Variants in PCNX3 observed in about 807,000 individuals in gnomAD.
The protein encoded by PCNX3 is pecanex-like protein 3.
PCNX3 carries 58 observed loss-of-function variants against 207.2 expected under a neutral mutation model. The observed-to-expected ratio is 0.28, with a 90% CI of 0.23 to 0.35. PCNX3 has a LOEUF of 0.35. Ranked by LOEUF, PCNX3 falls within the 10% of genes least tolerant of loss-of-function variation. The pLI, the probability that PCNX3 is intolerant of heterozygous loss-of-function variation, is 1.00. For synonymous variants in PCNX3, 1,337 were observed against 1,183.5 expected (o/e 1.13, Z -2.66); for missense variants, 2,410 against 2,774.4 (o/e 0.87, Z 2.95).
At chr11:65,627,663 C>G in intron 22 of PCNX3, 81 bp downstream of exon 22, 1 of 1,513,820 alleles carries the variant, frequency 6.6e-7, no homozygotes, top group Non-Finnish European at 9.1e-7. Flanking sequence ...AAGAGAATTT[C>G]CTGAGGGCCT....
chr11:65,623,368 A>G, intron 11 of PCNX3, 123 bp from the exon 12 acceptor site: 1 of 1,288,908 alleles, frequency 7.8e-7, no homozygotes, highest in African/African-American at 1.5e-5. Flanking sequence ...ACATCTTCAG[A>G]GGACAAGGGT....
In PCNX3 at chr11:65,616,407, C is replaced by T. The variant is rs767169314; in HGVS notation, c.96C>T (p.Asn32=). The part of the protein sequence containing the change: ...FFDPHQSTFS[N]CFHLYVWIFL... ...ACCCGCACCAGAGCACCTTCTCCAA[C>T]TGCTTCCACCTCTATGTCTGGATCT... Residue 32 remains asparagine (N), a synonymous_variant, in exon 1 of 35, where the codon AAC becomes AAT. Transcript: ENST00000355703. The T allele has an allele frequency of 3.7e-6, 6 of 1,610,788 alleles. No homozygotes were observed. The highest frequency in any genetic ancestry group is 2.2e-5 in the East Asian group (1 of 44,610).
At position 65,625,633 on chromosome 11, in the gene PCNX3, G is replaced by A. The variant is rs928929959; in HGVS notation, c.3136-19G>A. On this transcript the variant is annotated intron_variant, in intron 18 of 34. Transcript: ENST00000355703. The surrounding 1 kb of genome is among the most constrained non-coding windows in gnomAD (Gnocchi z 5.6). ...GTCTCTCCTGGCCGGGCAGCTGAAT[G>A]TCTCTCCTGGCCCTGCAGCGTGAGG... The A allele has an allele frequency of 6.2e-7, 1 of 1,611,318 alleles. No homozygotes were observed. The highest frequency in any genetic ancestry group is 2.2e-5 in the East Asian group (1 of 44,800).
chr11:65,632,417 C>T (rs951080680), intron 27 of PCNX3, among the ~76,000 whole-genome samples: 10 of 147,060 alleles, frequency 6.8e-5, no homozygotes, highest in Admixed American at 4.9e-4. Context: ...GAGGCGGAGC[C>T]CCTCCCGTTA....
chr11:65,617,616 A>G lies in PCNX3; in HGVS notation c.487A>G (p.Lys163Glu). ...CTCTGGGGCCATGGTTGCAGACATC[A>G]AGGAGCTGGTGCGGGAGCAGGGCAG... The part of the protein sequence containing the change: ...MEDSGPLRDI[K>E]ELVREQGSNN... Residue 163 changes from lysine to glutamate, a missense_variant, in exon 5 of 35, where the codon AAG (lysine) becomes GAG (glutamate). By Grantham distance (56) the Lys-to-Glu change is moderately conservative. Coordinates refer to ENST00000355703, the MANE Select transcript of PCNX3 (RefSeq NM_032223.4). The G allele has an allele frequency of 6.2e-7, 1 of 1,611,898 alleles. No individual in the cohort carries two copies. The highest frequency in any genetic ancestry group is 8.5e-7 in the Non-Finnish European group (1 of 1,178,988).
Position 65,623,971 on chromosome 11 carries a change from C to G in PCNX3, c.2544+10C>G, listed in dbSNP as rs1180731541. 1 of 1,611,078 alleles carries G rather than the reference C, an allele frequency of 6.2e-7. No homozygotes were observed. The highest frequency in any genetic ancestry group is 1.1e-5 in the South Asian group (1 of 91,088). ...GGCGTCCCCCATGCACGTGAGTACC[C>G]ATGGAGCAGCGCCTCTGGCCAGGAG... is the stretch of plus-strand genomic sequence containing the variant. On this transcript the variant is annotated intron_variant, in intron 13 of 34. Coordinates refer to ENST00000355703, the MANE Select transcript of PCNX3 (RefSeq NM_032223.4).
Position 65,625,099 on chromosome 11 carries a change from C to T in PCNX3, c.2920-72C>T. 2.6e-6 allele frequency: 4 copies of T among 1,553,030 alleles called. No homozygotes were observed. Among genetic ancestry groups the T allele is most frequent in the African/African-American group, 1.4e-5 (1 of 73,710 alleles). ...GGCTGTGAACTGGGCTCAGCAGTGG[C>T]TTCTCACACGGGGGCAGCCCGGGCC... On this transcript the variant is annotated intron_variant, in intron 16 of 34. Transcript: ENST00000355703. The surrounding 1 kb of genome is among the most constrained non-coding windows in gnomAD (Gnocchi z 5.6).
At position 65,622,375 on chromosome 11, in the gene PCNX3, C is replaced by A; in HGVS notation, c.2357+9C>A. The A allele has an allele frequency of 6.3e-7, 1 of 1,589,032 alleles. No individual in the cohort carries two copies. On this transcript the variant is annotated intron_variant, in intron 11 of 34. Transcript: ENST00000355703. The stretch of plus-strand genomic sequence containing the variant: ...CTGGCTCTGCTGGACCGGTGAGTGT[C>A]CCGCAGCCTTGGCCCCCAATTCTTG...
In PCNX3 at chr11:65,622,360, T is replaced by G; in HGVS notation, c.2351T>G (p.Leu784Arg). ...RYERLALLAL[L>R]DRTRGVLENI... ...GAGCGGCTTGCCCTGCTGGCTCTGCTGGACCGGTGAGTGTCCCGCAGCCTT... is the reference window on the plus strand; with the variant it reads ...GAGCGGCTTGCCCTGCTGGCTCTGCGGGACCGGTGAGTGTCCCGCAGCCTT... The change falls in exon 11 of 35, where the codon CTG (leucine) becomes CGG (arginine). Residue 784 changes from leucine to arginine, a missense_variant. Physicochemically the swap from Leu to Arg is moderately radical, Grantham distance 102. This residue lies in a region of PCNX3 where 177 missense variants were observed against 257.5 expected (regional missense o/e 0.69). Coordinates refer to ENST00000355703, the MANE Select transcript of PCNX3 (RefSeq NM_032223.4). 6.3e-7 allele frequency: 1 copy of G among 1,591,958 alleles called. No individual in the cohort carries two copies. Among genetic ancestry groups the G allele is most frequent in the Non-Finnish European group, 8.5e-7 (1 of 1,171,264 alleles).
rs867805424 is a variant in PCNX3, at chr11:65,620,898, C to A, written c.2167C>A (p.Leu723Met). 6.4e-7 allele frequency: 1 copy of A among 1,569,460 alleles called. No homozygotes were observed. The highest frequency in any genetic ancestry group is 2.4e-5 in the East Asian group (1 of 41,908). Residue 723 changes from leucine (L) to methionine (M), a missense_variant, in exon 10 of 35, where the codon CTG (leucine) becomes ATG (methionine). Physicochemically the swap from Leu to Met is conservative, Grantham distance 15. Around this residue, in one of 8 missense-constraint regions of PCNX3, gnomAD observed 177 missense variants for 257.5 expected, o/e 0.69. Coordinates refer to ENST00000355703, the MANE Select transcript of PCNX3 (RefSeq NM_032223.4). ...CCCTGAGGCTACAGGCGGCCTGAAC[C>A]TGCTGCAGCCGAGGCCTGTGGTTCT... Reference protein sequence around the residue: ...DVPEATGGLNLLQPRPVVLQG... With the variant: ...DVPEATGGLNMLQPRPVVLQG...
At chr11:65,628,553 G>A (rs376454145) in intron 22 of PCNX3, 42 bp from the exon 23 acceptor site, 2 of 1,584,718 alleles carry the variant, frequency 1.3e-6, no homozygotes, top group South Asian at 1.1e-5. Flanking sequence ...TTCCATGAGT[G>A]ACCCTGCATG....
chr11:65,617,802 A>G (rs1854827095), intron 5 of PCNX3, 96 bp downstream of exon 5: 1 of 1,486,354 alleles, frequency 6.7e-7, no homozygotes, highest in East Asian at 2.5e-5. Context: ...TCTCCTCTGT[A>G]TTCCTCTGTG....
At chr11:65,626,260 T>C (rs1217632950) in intron 20 of PCNX3, 2 of 750,016 alleles carry the variant, frequency 2.7e-6, no homozygotes, top group Admixed American at 4.0e-5. Context: ...TGCTGTGCCC[T>C]TCCCTTGCCT....
In PCNX3 at chr11:65,635,164, A is replaced by C; in HGVS notation, c.4953+44A>C. On this transcript the variant is annotated intron_variant, in intron 30 of 34. Transcript: ENST00000355703. This position sits in a 1 kb window ranked among gnomAD's most constrained non-coding sequence, Gnocchi z 9.9. ...CAGCAGCATGGGCAGGTGGGGGATGAAGCCTCTCTCCAGGGCAGGGGCCAC... is the reference window on the plus strand; with the variant it reads ...CAGCAGCATGGGCAGGTGGGGGATGCAGCCTCTCTCCAGGGCAGGGGCCAC... 6.2e-7 allele frequency: 1 copy of C among 1,605,800 alleles called. No individual in the cohort carries two copies. The highest frequency in any genetic ancestry group is 8.5e-7 in the Non-Finnish European group (1 of 1,174,924).
In PCNX3 at chr11:65,623,498, G is replaced by T; in HGVS notation, c.2365G>T (p.Gly789Ter). 6.2e-7 allele frequency: 1 copy of T among 1,608,012 alleles called. No individual in the cohort carries two copies. Among genetic ancestry groups the T allele is most frequent in the Non-Finnish European group, 8.5e-7 (1 of 1,176,444 alleles). The change falls in exon 12 of 35, where the codon GGA becomes TGA. Residue 789 changes from glycine to a stop codon, truncating the protein, a stop_gained. Coordinates refer to ENST00000355703, the MANE Select transcript of PCNX3 (RefSeq NM_032223.4). LOFTEE classifies it high-confidence loss of function. ...ACTAGGCTGTCCCTGCAGGACGCGG[G>T]GAGTGCTGGAGAACATCTTCGGCGT... ...ALLALLDRTR[G>*]VLENIFGVGL...
At chr11:65,620,221 CCT>C in intron 8 of PCNX3, 116 bp from the exon 9 acceptor site, 1 of 1,113,050 alleles carries the variant, frequency 9.0e-7, no homozygotes, top group Non-Finnish European at 1.3e-6. Flanking sequence ...GCTGGGCTGC[CCT>C]CTCAGAGGAC....
Position 65,618,410 on chromosome 11 carries a change from G to C in PCNX3, c.1048G>C (p.Asp350His). 6.2e-7 allele frequency: 1 copy of C among 1,612,626 alleles called. No individual in the cohort carries two copies. The change falls in exon 6 of 35, where the codon GAC becomes CAC. Residue 350 changes from aspartate to histidine, a missense_variant. By Grantham distance (81) the Asp-to-His change is moderately conservative (BLOSUM62 -1). Around this residue, in one of 8 missense-constraint regions of PCNX3, gnomAD observed 1,104 missense variants for 970.3 expected, o/e 1.14. Coordinates refer to ENST00000355703, the MANE Select transcript of PCNX3 (RefSeq NM_032223.4). ...TGAGGCTGAGCTGCCTGCCTCACCAGACGCCGGGGTCCCCTCAGATGACAC... is the reference window on the plus strand; with the variant it reads ...TGAGGCTGAGCTGCCTGCCTCACCACACGCCGGGGTCCCCTCAGATGACAC... Reference protein sequence around the residue: ...PSEAELPASPDAGVPSDDTLR... With the variant: ...PSEAELPASPHAGVPSDDTLR...
intron 1 of PCNX3, among the ~76,000 whole-genome samples, 166 bp downstream of exon 1, chr11:65,616,630 C>T (rs750705444): frequency 1.3e-5 from 2 of 152,252 alleles, no homozygotes; most frequent in Admixed American, 1.3e-4. Context: ...GATCGAGTGA[C>T]CTTGAACCCT....
At position 65,627,524 on chromosome 11, in the gene PCNX3, C is replaced by T; in HGVS notation, c.3644C>T (p.Pro1215Leu). ...GTCCTGCTCTTCCACTTTGACTACC[C>T]GCGCCTCTCCCAGGGCTTTCTGCTT... Reference protein sequence around the residue: ...FTVLLFHFDYPRLSQGFLLDY... With the variant: ...FTVLLFHFDYLRLSQGFLLDY... The change falls in exon 22 of 35, where the codon CCG becomes CTG. Residue 1215 changes from proline to leucine, a missense_variant. Around this residue, in one of 8 missense-constraint regions of PCNX3, gnomAD observed 333 missense variants for 386.8 expected, o/e 0.86. Transcript: ENST00000355703. 1.9e-6 allele frequency: 3 copies of T among 1,613,858 alleles called. No individual in the cohort carries two copies. The highest frequency in any genetic ancestry group is 1.1e-5 in the South Asian group (1 of 91,088).
Sources: allele counts gnomAD v4.1 joint callset (sites outside exome capture counted in the v4.1 genomes callset), GRCh38; gene constraint gnomAD v4.1.1; regional missense constraint gnomAD v4.1.1; non-coding constraint Gnocchi (gnomAD v3.1); transcripts MANE v1.5; gene names NCBI Gene and HGNC (gene_info 2026-07-23, HGNC 2026-07-21).